The following PARP6 variants were observed in gnomAD, a reference collection of about 807,000 sequenced individuals.
PARP6 encodes the protein protein mono-ADP-ribosyltransferase PARP6.
A neutral mutation model predicts 92.0 loss-of-function variants in PARP6; 27 were observed. The ratio of observed to expected loss-of-function variants is 0.29; its 90% CI spans 0.22 to 0.40. The LOEUF (loss-of-function observed/expected upper bound fraction) is 0.40. PARP6 is among the 10% of genes least tolerant of loss of function. PARP6 has a pLI of 1.00. For missense variants in PARP6, 501 were observed against 784.5 expected (o/e 0.64, Z 4.32); for synonymous variants, 272 against 281.2 (o/e 0.97, Z 0.33).
At chr15:72,250,571 G>C in intron 18 of PARP6, 1 of 409,234 alleles carries the variant, frequency 2.4e-6, no homozygotes, top group Non-Finnish European at 4.4e-6. Flanking sequence ...CATCAAAGTA[G>C]CTTTCAGATC....
At chr15:72,259,103 G>A (rs2085511140) in intron 11 of PARP6, among the ~76,000 whole-genome samples, 1 of 152,160 alleles carries the variant, frequency 6.6e-6, no homozygotes, top group South Asian at 2.1e-4. Flanking sequence ...TTGGAGTAAT[G>A]GCAATTTTAT....
chr15:72,268,804 A>G (rs1486614250), intron 2 of PARP6, among the ~76,000 whole-genome samples: 1 of 152,234 alleles, frequency 6.6e-6, no homozygotes, highest in Non-Finnish European at 1.5e-5. Context: ...TGCTTCCCAA[A>G]GAAAAATGCA....
At chr15:72,259,502 C>G in intron 11 of PARP6, 106 bp downstream of exon 11, 2 of 873,964 alleles carry the variant, frequency 2.3e-6, no homozygotes, top group Non-Finnish European at 3.8e-6. Context: ...GTTCTGGAAG[C>G]AAAGCAATTC....
At chr15:72,269,305 C>T (rs1343255351) in intron 2 of PARP6, among the ~76,000 whole-genome samples, 2 of 152,070 alleles carry the variant, frequency 1.3e-5, no homozygotes, top group African/African-American at 2.4e-5. Context: ...GGATTATAGG[C>T]GCCCGCCACC....
At position 72,250,841 on chromosome 15, in the gene PARP6, TCA is replaced by T; in HGVS notation, c.1418+2_1418+3del. On this transcript the variant is annotated splice_donor_variant and splice_donor_region_variant and intron_variant, in intron 18 of 23. Transcript: ENST00000569795. LOFTEE classifies it high-confidence loss of function. ...CCCCACTGCCCAGCCCCCAGCCTCC[TCA>T]CTGGAAGGCAAAGGTGCTGCCATAG... is the stretch of plus-strand genomic sequence containing the variant. 1 of 1,173,070 alleles carries T rather than the reference TCA, an allele frequency of 8.5e-7. No individual in the cohort carries two copies. Among genetic ancestry groups the T allele is most frequent in the Non-Finnish European group, 1.2e-6 (1 of 831,036 alleles). The allele number at this position is 1,173,070 out of a possible 1,614,324, so 72.7% of individuals were successfully genotyped here.
chr15:72,260,980 A>T (rs1412886531), intron 9 of PARP6, among the ~76,000 whole-genome samples: 2 of 152,178 alleles, frequency 1.3e-5, no homozygotes, highest in African/African-American at 4.8e-5. Context: ...AATCCCTTGG[A>T]AAGGCTGCCT....
chr15:72,271,833 T>C (rs947957760), intron 1 of PARP6, among the ~76,000 whole-genome samples: 6 of 152,218 alleles, frequency 3.9e-5, no homozygotes, highest in South Asian at 2.1e-4. Context: ...GCGGCTAATA[T>C]AGAACGCTTT....
rs1011226680 is a variant in PARP6 at position 72,242,316 on chromosome 15, G to A, written c.1642-96C>T. Reference sequence around the variant, plus strand: ...AGCTGATGATTGGGAGTGGGGATCAGAGATATCCTGGGCTCCCAGCAACAC... The same window carrying A: ...AGCTGATGATTGGGAGTGGGGATCAAAGATATCCTGGGCTCCCAGCAACAC... On this transcript the variant is annotated intron_variant, in intron 21 of 23. Coordinates refer to ENST00000569795, the MANE Select transcript of PARP6 (RefSeq NM_001323532.2). This position sits in a 1 kb window ranked among gnomAD's most constrained non-coding sequence, Gnocchi z 4.3. 3 of 978,426 alleles carry A rather than the reference G, an allele frequency of 3.1e-6. No individual in the cohort carries two copies. The highest frequency in any genetic ancestry group is 4.9e-6 in the Non-Finnish European group (3 of 617,694). The allele number at this position is 978,426 out of a possible 1,614,324, so 60.6% of individuals were successfully genotyped here. A position where few individuals can be genotyped will look rare whatever the true frequency, so the allele number is the denominator to read the frequency against.
rs146302708 is a variant in PARP6, at chr15:72,267,815, G to A, written c.-194-144C>T. The A allele has an allele frequency of 7.4e-3, 1,675 of 225,920 alleles. 25 individuals carry two copies. Among genetic ancestry groups the A allele is most frequent in the African/African-American group, 0.036 (1,558 of 43,650 alleles). The allele number at this position is 225,920 out of a possible 1,614,324, so 14.0% of individuals were successfully genotyped here. On this transcript the variant is annotated intron_variant, in intron 2 of 23. Transcript: ENST00000569795. The stretch of plus-strand genomic sequence containing the variant: ...CGCCCAGGCTGGAGTGCAATGGCGC[G>A]ATCTTGGCTCACTGCAACCTCCGCC...
Position 72,263,546 on chromosome 15 carries a change from C to T in PARP6, c.395+1009G>A, listed in dbSNP as rs553171259. 2.0e-5 allele frequency among the ~76,000 whole-genome samples: 3 copies of T among 152,296 alleles called. No individual in the cohort carries two copies. The East Asian group carries it at 5.8e-4, about 29-fold the overall frequency. On this transcript the variant is annotated intron_variant, in intron 8 of 23. Transcript: ENST00000569795. The stretch of plus-strand genomic sequence containing the variant: ...AAAGGATAAAAGTCCAAGATCCTCT[C>T]TAACTTGAACCCTTCCCTATTCTCT...
intron 8 of PARP6, 33 bp from the exon 9 acceptor site, chr15:72,261,740 A>G (rs1218925957): frequency 1.2e-6 from 2 of 1,609,428 alleles, no homozygotes; most frequent in South Asian, 1.1e-5. Context: ...CTTAGGCAAG[A>G]TGAGGCAGGG....
Position 72,242,302 on chromosome 15 carries a change from G to C in PARP6, c.1642-82C>G. 9.1e-7 allele frequency: 1 copy of C among 1,102,114 alleles called. No individual in the cohort carries two copies. Among genetic ancestry groups the C allele is most frequent in the Non-Finnish European group, 1.4e-6 (1 of 722,512 alleles). The allele number at this position is 1,102,114 out of a possible 1,614,324, so 68.3% of individuals were successfully genotyped here. A position where few individuals can be genotyped will look rare whatever the true frequency, so the allele number is the denominator to read the frequency against. ...TAGAGAGGCTGGTTAGCTGATGATT[G>C]GGAGTGGGGATCAGAGATATCCTGG... On this transcript the variant is annotated intron_variant, in intron 21 of 23. Transcript: ENST00000569795. This position sits in a 1 kb window ranked among gnomAD's most constrained non-coding sequence, Gnocchi z 4.3.
chr15:72,253,824 A>C (rs2084692317), intron 15 of PARP6: 2 of 505,276 alleles, frequency 4.0e-6, no homozygotes, highest in Non-Finnish European at 7.6e-6. Flanking sequence ...GATTAGGCTA[A>C]GGAATCCTGT....
intron 16 of PARP6, among the ~76,000 whole-genome samples, chr15:72,252,060 A>G (rs7183196): frequency 0.27 from 40,380 of 152,164 alleles, 5,615 homozygotes; most frequent in East Asian, 0.44. Flanking sequence ...AGGCAAACTA[A>G]AAAGGGAAAG....
At position 72,253,418 on chromosome 15, in the gene PARP6, T is replaced by A. The variant is rs1297596807; in HGVS notation, c.1259+19A>T. 6.3e-7 allele frequency: 1 copy of A among 1,598,248 alleles called. No homozygotes were observed. Among genetic ancestry groups the A allele is most frequent in the South Asian group, 1.1e-5 (1 of 90,746 alleles). ...CTCCCTCCCCATAACCCAAGAAGGA[T>A]GAGCCATTCTATCCATACCACTGCA... is the stretch of plus-strand genomic sequence containing the variant. On this transcript the variant is annotated intron_variant, in intron 16 of 23. Transcript: ENST00000569795.
chr15:72,251,820 T>C (rs1023117544), intron 16 of PARP6, among the ~76,000 whole-genome samples: 3 of 152,308 alleles, frequency 2.0e-5, no homozygotes, highest in African/African-American at 7.2e-5. Flanking sequence ...CAGACTAAGC[T>C]CTATACAGGC....
intron 14 of PARP6, among the ~76,000 whole-genome samples, chr15:72,255,800 T>C (rs1370820903): frequency 1.9e-5 from 2 of 107,432 alleles, no homozygotes; most frequent in African/African-American, 4.5e-5. Flanking sequence ...TTTTTTTTTT[T>C]TTTTTTTTTT....
Position 72,260,545 on chromosome 15 carries a change from C to T in PARP6, c.689G>A (p.Ser230Asn). The T allele has an allele frequency of 1.9e-6, 3 of 1,614,178 alleles. No homozygotes were observed. The highest frequency in any genetic ancestry group is 1.7e-6 in the Non-Finnish European group (2 of 1,180,030). The change falls in exon 10 of 24, where the codon AGC (serine) becomes AAC (asparagine). Residue 230 changes from serine to asparagine, a missense_variant. Around this residue, in one of 4 missense-constraint regions of PARP6, gnomAD observed 291 missense variants for 352.0 expected, o/e 0.83. Transcript: ENST00000569795. ...PKVEVFGYPP[S>N]PQAGLLCPQH... is the part of the protein sequence containing the mutation. ...AGGGCACAGGAGACCTGCCTGGGGG[C>T]TGGGAGGGTAGCCAAACACTTCCAC...
At chr15:72,271,970 G>C (rs1264946911) in intron 1 of PARP6, among the ~76,000 whole-genome samples, 1 of 152,320 alleles carries the variant, frequency 6.6e-6, no homozygotes, top group East Asian at 1.9e-4. Flanking sequence ...CAGCTTCAGA[G>C]CTCAATGTTT....
Sources: allele counts gnomAD v4.1 joint callset (sites outside exome capture counted in the v4.1 genomes callset), GRCh38; gene constraint gnomAD v4.1.1; regional missense constraint gnomAD v4.1.1; non-coding constraint Gnocchi (gnomAD v3.1); transcripts MANE v1.5; gene names NCBI Gene and HGNC (gene_info 2026-07-23, HGNC 2026-07-21).